The following CNTNAP3 variants were observed in gnomAD, a reference collection of about 807,000 sequenced individuals.
The protein encoded by CNTNAP3 is contactin associated protein family member 3.
Under a neutral mutation model 92.1 loss-of-function variants are expected in CNTNAP3, and 36 were observed. That is an observed-to-expected ratio of 0.39 (90% CI 0.30 to 0.52). The LOEUF is 0.52. Ranked by LOEUF, CNTNAP3 falls within the 20% of genes least tolerant of loss-of-function variation. CNTNAP3 has a pLI of 0.76. For missense variants in CNTNAP3, 534 were observed against 1,069.6 expected, an observed-to-expected ratio of 0.50 and a Z score of 6.98; for synonymous variants, 232 against 422.3, an observed-to-expected ratio of 0.55 and a Z score of 5.53.
chr9:39,125,295 G>A (rs2118007943), intron 13 of CNTNAP3, among the ~76,000 whole-genome samples: 1 of 152,136 alleles, frequency 6.6e-6, no homozygotes, highest in East Asian at 1.9e-4. Flanking sequence ...ACTCATAGGT[G>A]GGAATTGAAC....
At chr9:39,116,093 A>T (rs1464665088) in intron 14 of CNTNAP3, among the ~76,000 whole-genome samples, 1 of 151,482 alleles carries the variant, frequency 6.6e-6, no homozygotes, top group Non-Finnish European at 1.5e-5. Flanking sequence ...CGCAGGTTGC[A>T]GTGAGCTGAG....
At chr9:39,124,511 G>A (rs1257199563) in intron 13 of CNTNAP3, among the ~76,000 whole-genome samples, 1 of 152,066 alleles carries the variant, frequency 6.6e-6, no homozygotes, top group African/African-American at 2.4e-5. Flanking sequence ...ATTGACAAAT[G>A]GGATCTAATT....
At chr9:39,136,900 C>CA (rs1447123154) in intron 12 of CNTNAP3, among the ~76,000 whole-genome samples, 2 of 151,618 alleles carry the variant, frequency 1.3e-5, no homozygotes, top group South Asian at 2.1e-4. Flanking sequence ...AACTCCATCT[C>CA]AAAAAAAGGA....
chr9:39,113,987 T>C (rs1820782521), intron 14 of CNTNAP3, among the ~76,000 whole-genome samples: 1 of 151,130 alleles, frequency 6.6e-6, no homozygotes, highest in Non-Finnish European at 1.5e-5. Flanking sequence ...CACACACATA[T>C]ATATACACAC....
chr9:39,158,861 CTG>C, intron 9 of CNTNAP3, among the ~76,000 whole-genome samples: 1 of 32,486 alleles, frequency 3.1e-5, no homozygotes, highest in South Asian at 1.2e-3. Context: ...TCTTCCCTCT[CTG>C]TGTGTCTCTG....
rs2118417043 is a variant in CNTNAP3 at position 39,085,932 on chromosome 9, A to G, written c.3355-109T>C. The G allele has an allele frequency of 5.6e-6, 6 of 1,071,174 alleles. No individual in the cohort carries two copies. The South Asian group carries it at 8.2e-5, about 15-fold the overall frequency. The allele number at this position is 1,071,174 out of a possible 1,614,324, so 66.4% of individuals were successfully genotyped here. On this transcript the variant is annotated intron_variant, in intron 20 of 23. Coordinates refer to ENST00000297668, the MANE Select transcript of CNTNAP3 (RefSeq NM_033655.5). ...AGATGAAAATAAATCACTTTTAAGTACCATTACAAAAGCTCAAGAAGCCAC... is the reference window on the plus strand; with the variant it reads ...AGATGAAAATAAATCACTTTTAAGTGCCATTACAAAAGCTCAAGAAGCCAC...
rs1825523217 is a variant in CNTNAP3, at chr9:39,067,032, A to G, written c.*6858T>C. On this transcript the variant is annotated 3_prime_UTR_variant, in exon 24 of 24. Coordinates refer to ENST00000297668, the MANE Select transcript of CNTNAP3 (RefSeq NM_033655.5). ...TGTCCCACAGATCACCGATACTCTG[A>G]TTATTCTTTGTTTTTTTTCTGTCTC... is the stretch of plus-strand genomic sequence containing the variant. Among the ~76,000 whole-genome samples the G allele has an allele frequency of 1.3e-5, 2 of 152,394 alleles. No individual in the cohort carries two copies. The highest frequency in any genetic ancestry group is 4.1e-4 in the South Asian group (2 of 4,830).
chr9:39,154,895 G>A (rs1200295281), intron 9 of CNTNAP3: 3 of 215,898 alleles, frequency 1.4e-5, no homozygotes, highest in Non-Finnish European at 1.8e-5. Context: ...CAGATCAGGC[G>A]GCAAGATCAT....
intron 13 of CNTNAP3, 47 bp from the exon 14 acceptor site, chr9:39,118,306 A>G: frequency 3.1e-6 from 5 of 1,611,366 alleles, no homozygotes; most frequent in Non-Finnish European, 3.4e-6. Flanking sequence ...GTCCCTCACT[A>G]CCACCCTCCC....
At chr9:39,110,426 A>G (rs1826716966) in intron 14 of CNTNAP3, among the ~76,000 whole-genome samples, 1 of 152,082 alleles carries the variant, frequency 6.6e-6, no homozygotes, top group African/African-American at 2.4e-5. Context: ...AAAAAACCCC[A>G]CACACTCAGC....
intron 9 of CNTNAP3, among the ~76,000 whole-genome samples, chr9:39,161,553 C>T (rs1485609112): frequency 8.3e-5 from 7 of 84,122 alleles, no homozygotes; most frequent in African/African-American, 2.1e-4. Flanking sequence ...CAGTGGCTCA[C>T]GCCTATAATC....
rs200396997 is a variant in CNTNAP3 at position 39,081,087 on chromosome 9, CTTTG to C, written c.3443-2171_3443-2168del. On this transcript the variant is annotated intron_variant, in intron 21 of 23. Transcript: ENST00000297668. Reference sequence around the variant, plus strand: ...AATTAGAAAATGATCACCATATATACTTTGTTTAAGCTGGAAAATCTGAAAGAAA... The same window carrying C: ...AATTAGAAAATGATCACCATATATACTTTAAGCTGGAAAATCTGAAAGAAA... 9.6e-4 allele frequency among the ~76,000 whole-genome samples: 146 copies of C among 151,778 alleles called. 5 individuals carry two copies. In the East Asian group the frequency reaches 0.022, roughly 23 times the overall value.
Position 39,065,285 on chromosome 9 carries a change from C to T in CNTNAP3, c.*8605G>A, listed in dbSNP as rs1429575456. Among the ~76,000 whole-genome samples the T allele has an allele frequency of 4.6e-5, 7 of 152,398 alleles. No homozygotes were observed. The highest frequency in any genetic ancestry group is 1.7e-4 in the African/African-American group (7 of 41,594). On this transcript the variant is annotated 3_prime_UTR_variant, in exon 24 of 24. Coordinates refer to ENST00000297668, the MANE Select transcript of CNTNAP3 (RefSeq NM_033655.5). ...CAACACAAGGTTTTTTAGATTCAGC[C>T]ATGTTTGTTGCAGTTACCAGTAGTT...
intron 21 of CNTNAP3, among the ~76,000 whole-genome samples, chr9:39,081,157 A>G (rs1825923763): frequency 2.6e-5 from 4 of 151,706 alleles, no homozygotes; most frequent in Admixed American, 2.6e-4. Context: ...TGGCAATCAC[A>G]CCACAATCCA....
In CNTNAP3 at chr9:39,078,476, A is replaced by T. The variant is rs1317890379; in HGVS notation, c.3674-20T>A. On this transcript the variant is annotated intron_variant, in intron 22 of 23. Transcript: ENST00000297668. ...AACGACCTACAACAGGGAAAGGGAG[A>T]ATGATGTTTATTAGCTTGATTTAAT... The T allele has an allele frequency of 1.2e-6, 2 of 1,611,980 alleles. No individual in the cohort carries two copies. Among genetic ancestry groups the T allele is most frequent in the Non-Finnish European group, 1.7e-6 (2 of 1,179,868 alleles).
chr9:39,106,056 T>A (rs1381489757), intron 15 of CNTNAP3, among the ~76,000 whole-genome samples: 1 of 152,194 alleles, frequency 6.6e-6, no homozygotes, highest in African/African-American at 2.4e-5. Flanking sequence ...TCACTGTATT[T>A]ACATATTTGC....
At chr9:39,151,887 C>T (rs1325669811) in intron 9 of CNTNAP3, among the ~76,000 whole-genome samples, 1 of 150,006 alleles carries the variant, frequency 6.7e-6, no homozygotes, top group Non-Finnish European at 1.5e-5. Context: ...CCCAATCATT[C>T]AAATATTAGG....
At chr9:39,137,078 CCTTT>C (rs988556723) in intron 12 of CNTNAP3, among the ~76,000 whole-genome samples, 30 of 151,074 alleles carry the variant, frequency 2.0e-4, no homozygotes, top group African/African-American at 5.4e-4. Flanking sequence ...TGCTTCTGTT[CCTTT>C]CTTTCTTTCT....
At chr9:39,076,161 C>A (rs1825756154) in intron 23 of CNTNAP3, among the ~76,000 whole-genome samples, 1 of 152,306 alleles carries the variant, frequency 6.6e-6, no homozygotes, top group Non-Finnish European at 1.5e-5. Context: ...TGATATTTGA[C>A]CACCAGCAAT....
Sources: allele counts gnomAD v4.1 joint callset (sites outside exome capture counted in the v4.1 genomes callset), GRCh38; gene constraint gnomAD v4.1.1; transcripts MANE v1.5; gene names NCBI Gene and HGNC (gene_info 2026-07-23, HGNC 2026-07-21).